The following TRPM2 variants were observed in gnomAD, a reference collection of about 807,000 sequenced individuals.
TRPM2 encodes estrogen-responsive element-associated gene 1 protein.
In TRPM2, 161 loss-of-function variants were observed where a neutral mutation model predicts 174.0. The observed-to-expected ratio is 0.93, with a 90% CI of 0.81 to 1.05. The LOEUF is 1.05. Ranked by LOEUF, TRPM2 falls within the 50% of genes least tolerant of loss-of-function variation. TRPM2 has a pLI of 0.00. For synonymous variants in TRPM2, 954 were observed against 861.3 expected (o/e 1.11, Z -1.88); for missense variants, 2,057 against 2,038.0 (o/e 1.01, Z -0.18).
intron 2 of TRPM2, among the ~76,000 whole-genome samples, chr21:44,361,633 T>C (rs1434140427): frequency 2.0e-5 from 3 of 152,126 alleles, no homozygotes; most frequent in African/African-American, 7.2e-5. Flanking sequence ...TTTTGTTTTC[T>C]GTTTGTTCTG....
At chr21:44,379,302 CTGGGTCTGAG>C (rs1290778730) in intron 8 of TRPM2, 105 bp downstream of exon 8, 49 of 1,379,740 alleles carry the variant, frequency 3.6e-5, no homozygotes, top group Non-Finnish European at 4.7e-5. Flanking sequence ...GGAGAACCCA[CTGGGTCTGAG>C]TGGGTGCCAG....
At chr21:44,415,241 GC>G (rs35880536) in intron 20 of TRPM2, 107,365 of 152,040 alleles carry the variant, frequency 0.71, 38,449 homozygotes, top group East Asian at 0.77. Context: ...TTGAATAACA[GC>G]CCCAGGGAGG....
Position 44,438,211 on chromosome 21 carries a change from T to C in TRPM2, c.4168-856T>C, listed in dbSNP as rs1427149904. On this transcript the variant is annotated intron_variant, in intron 29 of 31. Coordinates refer to ENST00000397928, the MANE Select transcript of TRPM2 (RefSeq NM_003307.4). This position sits in a 1 kb window ranked among gnomAD's most constrained non-coding sequence, Gnocchi z 5.9. ...GGGGCCTTTGGCCTTGGGGTCCCCT[T>C]GCTGCCCTGCTGCGCTCACCCAGTA... Among the ~76,000 whole-genome samples, 1 of 152,206 alleles carries C rather than the reference T, an allele frequency of 6.6e-6. No homozygotes were observed. Among genetic ancestry groups the C allele is most frequent in the Non-Finnish European group, 1.5e-5 (1 of 68,026 alleles).
chr21:44,370,334 AG>A (rs946516809), intron 5 of TRPM2, among the ~76,000 whole-genome samples: 72 of 152,240 alleles, frequency 4.7e-4, no homozygotes, highest in African/African-American at 1.7e-3. Flanking sequence ...CCTGGCAGCC[AG>A]CACCCACCCC....
At chr21:44,375,389 C>A (rs192544269) in intron 5 of TRPM2, among the ~76,000 whole-genome samples, 1 of 152,234 alleles carries the variant, frequency 6.6e-6, no homozygotes, top group African/African-American at 2.4e-5. Flanking sequence ...GACCTGTATC[C>A]GTTTCCTGTG....
Position 44,366,240 on chromosome 21 carries a change from AGCAGAGGGGATAGG to A in TRPM2, c.424-503_424-490del, listed in dbSNP as rs1248128909. On this transcript the variant is annotated intron_variant, in intron 3 of 31. Coordinates refer to ENST00000397928, the MANE Select transcript of TRPM2 (RefSeq NM_003307.4). This position sits in a 1 kb window ranked among gnomAD's most constrained non-coding sequence, Gnocchi z 6.0. The stretch of plus-strand genomic sequence containing the variant: ...ACGGGCCAGGGCACAGGGGCCACAG[AGCAGAGGGGATAGG>A]GCAGAGGGGACAGGAGAGGGGACAG... 8.1e-5 allele frequency among the ~76,000 whole-genome samples: 12 copies of A among 148,670 alleles called. No homozygotes were observed. The highest frequency in any genetic ancestry group is 3.0e-4 in the African/African-American group (12 of 39,560).
chr21:44,375,141 C>T (rs2048658655), intron 5 of TRPM2, among the ~76,000 whole-genome samples: 1 of 152,218 alleles, frequency 6.6e-6, no homozygotes. Flanking sequence ...AACTCCAGGG[C>T]TCAGGTGATC....
chr21:44,377,065 C>T (rs540351101), intron 6 of TRPM2, among the ~76,000 whole-genome samples: 28 of 152,240 alleles, frequency 1.8e-4, no homozygotes, highest in African/African-American at 6.7e-4. Context: ...GAGGGCGATG[C>T]TGCAGTTCAG....
chr21:44,375,714 C>A (rs1403416135), intron 5 of TRPM2, 119 bp from the exon 6 acceptor site: 4 of 1,203,862 alleles, frequency 3.3e-6, no homozygotes, highest in Non-Finnish European at 4.5e-6. Context: ...CCAATAAGGC[C>A]ACGTCCACAG....
At chr21:44,411,363 A>T (rs1181872170) in intron 19 of TRPM2, among the ~76,000 whole-genome samples, 1 of 152,164 alleles carries the variant, frequency 6.6e-6, no homozygotes, top group Non-Finnish European at 1.5e-5. Context: ...AGCTATTATA[A>T]ATAGAATTGT....
rs1272731173 is a variant in TRPM2, at chr21:44,366,345, C to T, written c.424-409C>T. Among the ~76,000 whole-genome samples, 2 of 151,830 alleles carry T rather than the reference C, an allele frequency of 1.3e-5. No homozygotes were observed. The highest frequency in any genetic ancestry group is 2.9e-5 in the Non-Finnish European group (2 of 67,956). Reference sequence around the variant, plus strand: ...GGGGGCAGTGCTGGGTGCACAAGGACAGAAGGGCAGAGACCCCGGTGCAGG... The same window carrying T: ...GGGGGCAGTGCTGGGTGCACAAGGATAGAAGGGCAGAGACCCCGGTGCAGG... On this transcript the variant is annotated intron_variant, in intron 3 of 31. Coordinates refer to ENST00000397928, the MANE Select transcript of TRPM2 (RefSeq NM_003307.4). This position sits in a 1 kb window ranked among gnomAD's most constrained non-coding sequence, Gnocchi z 6.0.
chr21:44,440,658 A>C, intron 30 of TRPM2, 131 bp from the exon 31 acceptor site: 4 of 776,312 alleles, frequency 5.2e-6, no homozygotes, highest in Non-Finnish European at 8.9e-6. Context: ...GGGGCTGGGG[A>C]GAGCTGGGCC....
chr21:44,385,923 C>A (rs955575004), intron 9 of TRPM2, among the ~76,000 whole-genome samples: 1 of 152,118 alleles, frequency 6.6e-6, no homozygotes, highest in Non-Finnish European at 1.5e-5. Flanking sequence ...CTGGTCTCTC[C>A]CTTGACACAT....
intron 16 of TRPM2, among the ~76,000 whole-genome samples, chr21:44,403,728 CACAT>C (rs948187771): frequency 5.9e-4 from 88 of 149,928 alleles, no homozygotes; most frequent in African/African-American, 1.7e-3. Context: ...TGCATGGACA[CACAT>C]ACATGCATAT....
In TRPM2 at chr21:44,424,905, C is replaced by G. The variant is rs775263334; in HGVS notation, c.3603C>G (p.Ser1201Arg). ...LHWIVRTLRASGFSSEADVPT... is the reference protein window; with the variant it reads ...LHWIVRTLRARGFSSEADVPT... ...GGATCGTGAGGACGCTGCGGGCCAG[C>G]GGCTTCAGCTCGGAGGCGGACGTCC... The change falls in exon 24 of 32, where the codon AGC (serine) becomes AGG (arginine). Residue 1201 changes from serine (S) to arginine (R), a missense_variant. Physicochemically the swap from Ser to Arg is moderately radical, Grantham distance 110. Coordinates refer to ENST00000397928, the MANE Select transcript of TRPM2 (RefSeq NM_003307.4). The G allele has an allele frequency of 5.6e-6, 9 of 1,607,354 alleles. No homozygotes were observed. Among genetic ancestry groups the G allele is most frequent in the Non-Finnish European group, 7.6e-6 (9 of 1,178,320 alleles).
At chr21:44,387,711 A>C (rs531259692) in intron 9 of TRPM2, among the ~76,000 whole-genome samples, 2 of 152,202 alleles carry the variant, frequency 1.3e-5, no homozygotes, top group African/African-American at 4.8e-5. Flanking sequence ...TAAAAAAAAA[A>C]CACAATTCAA....
At position 44,438,550 on chromosome 21, in the gene TRPM2, G is replaced by T. The variant is rs2146425191; in HGVS notation, c.4168-517G>T. ...TTTGAATGACAAATAGGGTGGGAAA[G>T]ATGGGTGTGGGGAGGAGGAGGTGCA... On this transcript the variant is annotated intron_variant, in intron 29 of 31. Transcript: ENST00000397928. This position sits in a 1 kb window ranked among gnomAD's most constrained non-coding sequence, Gnocchi z 5.9. Among the ~76,000 whole-genome samples, 1 of 152,354 alleles carries T rather than the reference G, an allele frequency of 6.6e-6. No individual in the cohort carries two copies. Among genetic ancestry groups the T allele is most frequent in the East Asian group, 1.9e-4 (1 of 5,184 alleles).
intron 19 of TRPM2, among the ~76,000 whole-genome samples, chr21:44,410,433 C>G (rs2050067530): frequency 1.3e-5 from 1 of 76,876 alleles, no homozygotes; most frequent in Non-Finnish European, 3.1e-5. Context: ...GTTGGCATAG[C>G]CTTGTAGTAA....
Position 44,401,813 on chromosome 21 carries a change from G to A in TRPM2, c.2454G>A (p.Met818Ile), listed in dbSNP as rs772221669. The part of the protein sequence containing the change: ...AFLCLFAYVL[M>I]VDFQPVPSWC... ...TCTGCCTGTTCGCCTACGTGCTCAT[G>A]GTGGACTTCCAGCCTGTGCCCTCCT... Residue 818 changes from methionine to isoleucine, a missense_variant, in exon 16 of 32, where the codon ATG (methionine) becomes ATA (isoleucine). By Grantham distance (10) the Met-to-Ile change is conservative (BLOSUM62 1). Transcript: ENST00000397928. 6.2e-7 allele frequency: 1 copy of A among 1,613,902 alleles called. No homozygotes were observed. Among genetic ancestry groups the A allele is most frequent in the Admixed American group, 1.7e-5 (1 of 60,016 alleles).
Sources: allele counts gnomAD v4.1 joint callset (sites outside exome capture counted in the v4.1 genomes callset), GRCh38; gene constraint gnomAD v4.1.1; non-coding constraint Gnocchi (gnomAD v3.1); transcripts MANE v1.5; gene names NCBI Gene and HGNC (gene_info 2026-07-23, HGNC 2026-07-21).